ATG10: variants seen among roughly 807,000 people sequenced by gnomAD.
The protein encoded by ATG10 is ubiquitin-like-conjugating enzyme ATG10.
Under a neutral mutation model 32.1 loss-of-function variants are expected in ATG10, and 30 were observed. The ratio of observed to expected loss-of-function variants is 0.94; its 90% CI spans 0.70 to 1.27. The LOEUF is 1.27. ATG10 is among the 50% of genes most tolerant of loss of function. ATG10 has a pLI of 0.00. For synonymous variants in ATG10, 87 were observed against 91.5 expected, an observed-to-expected ratio of 0.95 and a Z score of 0.28; for missense variants, 233 against 262.3, an observed-to-expected ratio of 0.89 and a Z score of 0.77.
chr5:82,216,103 G>A (rs908192805), intron 5 of ATG10, among the ~76,000 whole-genome samples: 3 of 152,144 alleles, frequency 2.0e-5, no homozygotes, highest in Admixed American at 6.5e-5. Context: ...CCTTTCTGCA[G>A]AAAGATCCTC....
rs566716227 is a variant in ATG10 at position 82,043,130 on chromosome 5, T to A, written c.109-15365T>A. ...CTGGACATATAGGCATTTCCATACA[T>A]CCTCTGAAATCTAGGTGTAGGTTCC... On this transcript the variant is annotated intron_variant, in intron 2 of 7. Coordinates refer to ENST00000282185, the MANE Select transcript of ATG10 (RefSeq NM_031482.5). Among the ~76,000 whole-genome samples, 175 of 152,314 alleles carry A rather than the reference T, an allele frequency of 1.1e-3. 2 individuals are homozygous for A. The highest frequency in any genetic ancestry group is 2.3e-3 in the Admixed American group (35 of 15,304).
chr5:82,158,304 G>A (rs1767889646), intron 3 of ATG10, among the ~76,000 whole-genome samples: 1 of 151,984 alleles, frequency 6.6e-6, no homozygotes, highest in Non-Finnish European at 1.5e-5. Context: ...AATATATTGT[G>A]ACTTCTTTTT....
intron 3 of ATG10, chr5:82,147,100 A>G (rs1015688209): frequency 3.9e-5 from 6 of 153,868 alleles, no homozygotes; most frequent in African/African-American, 1.4e-4. Context: ...AGGTTTAATA[A>G]TTGGGTGACA....
chr5:82,132,869 A>T (rs1238228054), intron 3 of ATG10, among the ~76,000 whole-genome samples: 1 of 152,126 alleles, frequency 6.6e-6, no homozygotes, highest in Non-Finnish European at 1.5e-5. Flanking sequence ...GTGTAAAAGC[A>T]TTCCTATTTC....
At chr5:82,042,378 C>G (rs571913112) in intron 2 of ATG10, among the ~76,000 whole-genome samples, 3 of 152,182 alleles carry the variant, frequency 2.0e-5, no homozygotes, top group African/African-American at 7.2e-5. Context: ...TCACCTCTTA[C>G]CAGGCCCCTC....
At chr5:82,245,094 G>C (rs1024346589) in intron 5 of ATG10, among the ~76,000 whole-genome samples, 1 of 152,188 alleles carries the variant, frequency 6.6e-6, no homozygotes, top group South Asian at 2.1e-4. Flanking sequence ...CTCCTGAATC[G>C]ATCTAAGAAA....
At chr5:81,987,514 A>G (rs1175600158) in intron 1 of ATG10, 45 bp from the exon 2 acceptor site, 2 of 1,332,078 alleles carry the variant, frequency 1.5e-6, no homozygotes, top group East Asian at 2.4e-5. Context: ...ATTCCTTTCA[A>G]TATAATTCTA....
chr5:82,186,889 G>T (rs185060235), intron 5 of ATG10, among the ~76,000 whole-genome samples: 1 of 151,958 alleles, frequency 6.6e-6, no homozygotes, highest in Non-Finnish European at 1.5e-5. Context: ...GCCAATATTC[G>T]TTTTTTTATC....
intron 2 of ATG10, among the ~76,000 whole-genome samples, chr5:81,993,038 C>G (rs1761505671): frequency 6.6e-6 from 1 of 152,104 alleles, no homozygotes. Flanking sequence ...ACTTGTTACA[C>G]CCATTGTTTA....
intron 2 of ATG10, among the ~76,000 whole-genome samples, chr5:82,041,132 A>C (rs1763071313): frequency 6.6e-6 from 1 of 152,202 alleles, no homozygotes; most frequent in Non-Finnish European, 1.5e-5. Flanking sequence ...TATAACTTCA[A>C]CTTTACTTAT....
rs574779430 is a variant in ATG10, at chr5:82,086,459, G to T, written c.216+27857G>T. 4.6e-5 allele frequency among the ~76,000 whole-genome samples: 7 copies of T among 152,270 alleles called. No homozygotes were observed. In the East Asian group the frequency reaches 9.7e-4, roughly 21 times the overall value. The stretch of plus-strand genomic sequence containing the variant: ...CACCTCAGTTGGGATGAGTGGACTA[G>T]TTGGGACTGACAGGGCATCTCTCTT... On this transcript the variant is annotated intron_variant, in intron 3 of 7. Transcript: ENST00000282185.
chr5:82,116,264 G>A (rs1251126479), intron 3 of ATG10, among the ~76,000 whole-genome samples: 3 of 152,016 alleles, frequency 2.0e-5, no homozygotes, highest in Non-Finnish European at 2.9e-5. Flanking sequence ...AAGGATTATA[G>A]AATTTCAGTT....
intron 2 of ATG10, among the ~76,000 whole-genome samples, chr5:82,003,929 C>G (rs1162983327): frequency 6.6e-6 from 1 of 152,138 alleles, no homozygotes; most frequent in East Asian, 1.9e-4. Context: ...CACTTGAGGT[C>G]AGGAGTTTGA....
At chr5:82,072,420 C>T (rs1233263041) in intron 3 of ATG10, among the ~76,000 whole-genome samples, 3 of 152,090 alleles carry the variant, frequency 2.0e-5, no homozygotes, top group Admixed American at 2.0e-4. Flanking sequence ...ATCAGCTGCT[C>T]GTTCCTTCAG....
chr5:82,177,096 G>T (rs922879261), intron 4 of ATG10, among the ~76,000 whole-genome samples: 2 of 152,162 alleles, frequency 1.3e-5, no homozygotes, highest in East Asian at 3.8e-4. Context: ...GAATAATTGT[G>T]TGAGGGCTGG....
intron 2 of ATG10, chr5:81,992,446 C>T (rs776894499): frequency 9.9e-5 from 15 of 151,608 alleles, no homozygotes; most frequent in African/African-American, 2.9e-4. Context: ...CTGTCACCCA[C>T]GCTGGAGTGC....
At chr5:82,044,350 C>T (rs913263953) in intron 2 of ATG10, among the ~76,000 whole-genome samples, 3 of 152,084 alleles carry the variant, frequency 2.0e-5, no homozygotes, top group Admixed American at 1.3e-4. Context: ...CCACCAGGCC[C>T]CTCCTCTAAT....
chr5:82,202,541 C>A (rs1049894012), intron 5 of ATG10, among the ~76,000 whole-genome samples: 8 of 152,142 alleles, frequency 5.3e-5, no homozygotes, highest in African/African-American at 1.9e-4. Context: ...AGACTTTTAT[C>A]TGTACACAGA....
chr5:82,201,907 T>G (rs2149963872), intron 5 of ATG10, among the ~76,000 whole-genome samples: 1 of 152,346 alleles, frequency 6.6e-6, no homozygotes, highest in Admixed American at 6.5e-5. Context: ...ATGTTTAATA[T>G]CTGTTAAATT....
Sources: allele counts gnomAD v4.1 joint callset (sites outside exome capture counted in the v4.1 genomes callset), GRCh38; gene constraint gnomAD v4.1.1; transcripts MANE v1.5; gene names NCBI Gene and HGNC (gene_info 2026-07-23, HGNC 2026-07-21).